CDH23: variants seen among roughly 807,000 people sequenced by gnomAD.
CDH23 encodes the protein cadherin related 23.
In CDH23, 189 loss-of-function variants were observed where a neutral mutation model predicts 317.1. The ratio of observed to expected loss-of-function variants is 0.60; its 90% CI spans 0.53 to 0.67. The LOEUF (loss-of-function observed/expected upper bound fraction) is 0.67, where lower values mean the gene tolerates loss of function less well. Among genes scored for constraint, CDH23 ranks in the 30% least tolerant of loss-of-function variants. The pLI, the probability that CDH23 is intolerant of heterozygous loss-of-function variation, is 0.00. For missense variants in CDH23, 4,401 were observed against 4,592.4 expected (o/e 0.96, Z 1.20); for synonymous variants, 1,839 against 1,876.8 (o/e 0.98, Z 0.52).
rs752830496 is a variant in CDH23, at chr10:71,755,432, G to A, written c.4845+13511G>A. The A allele has an allele frequency of 1.1e-5, 18 of 1,613,128 alleles. No individual in the cohort carries two copies. In the East Asian group the frequency reaches 2.5e-4, roughly 22 times the overall value. On this transcript the variant is annotated intron_variant, in intron 38 of 69. Transcript: ENST00000224721. ...GGGGGAGGCAGAGGATTCCTACGATGCAGGCACCCGTAGCCAGGGCTGCAG... is the reference window on the plus strand; with the variant it reads ...GGGGGAGGCAGAGGATTCCTACGATACAGGCACCCGTAGCCAGGGCTGCAG...
intron 9 of CDH23, among the ~76,000 whole-genome samples, chr10:71,612,243 TG>T (rs1860944760): frequency 2.6e-5 from 4 of 151,526 alleles, no homozygotes; most frequent in African/African-American, 9.7e-5. Context: ...TGTGTGTGTG[TG>T]TGTGTGTATG....
rs746339245 is a variant in CDH23 at position 71,705,003 on chromosome 10, C to T, written c.2826C>T (p.Ser942=). Reference sequence around the variant, plus strand: ...CCCGCATGGACTTCCTCATCAACAGCAGCAGCGGCGTGGTGGTCACCACCA... The same window carrying T: ...CCCGCATGGACTTCCTCATCAACAGTAGCAGCGGCGTGGTGGTCACCACCA... ...GMPRMDFLIN[S]SSGVVVTTTE... is the part of the protein sequence containing the mutation. Residue 942 remains serine, a synonymous_variant, in exon 25 of 70, where the codon AGC becomes AGT. Coordinates refer to ENST00000224721, the MANE Select transcript of CDH23 (RefSeq NM_022124.6). 6.2e-7 allele frequency: 1 copy of T among 1,612,878 alleles called. No individual in the cohort carries two copies. The highest frequency in any genetic ancestry group is 1.1e-5 in the South Asian group (1 of 91,084).
intron 1 of CDH23, among the ~76,000 whole-genome samples, chr10:71,432,919 C>T (rs1463111538): frequency 6.6e-6 from 1 of 152,128 alleles, no homozygotes; most frequent in Non-Finnish European, 1.5e-5. Context: ...CTCCCAGAGT[C>T]TCCCCTGGTG....
At chr10:71,500,369 C>T (rs1325590215) in intron 3 of CDH23, among the ~76,000 whole-genome samples, 1 of 152,240 alleles carries the variant, frequency 6.6e-6, no homozygotes, top group African/African-American at 2.4e-5. Context: ...CTGTTTAGTG[C>T]CTCCTTCTTC....
chr10:71,739,067 T>C (rs12218623), intron 35 of CDH23, among the ~76,000 whole-genome samples: 3,283 of 152,230 alleles, frequency 0.022, 214 homozygotes, highest in East Asian at 0.19. Flanking sequence ...CCGCCAGTGT[T>C]CACACAGCTT....
intron 22 of CDH23, among the ~76,000 whole-genome samples, chr10:71,701,763 A>C (rs1294718374): frequency 6.6e-6 from 1 of 152,002 alleles, no homozygotes; most frequent in Non-Finnish European, 1.5e-5. Context: ...AGTCTCCAAA[A>C]TCCAGGGTTT....
At chr10:71,452,724 T>C (rs1271704269) in intron 3 of CDH23, among the ~76,000 whole-genome samples, 1 of 152,236 alleles carries the variant, frequency 6.6e-6, no homozygotes, top group African/African-American at 2.4e-5. Flanking sequence ...ATTGACATTA[T>C]AATTAACAGC....
chr10:71,535,849 G>T (rs1382417936), intron 6 of CDH23, among the ~76,000 whole-genome samples: 6 of 152,270 alleles, frequency 3.9e-5, no homozygotes, highest in Admixed American at 3.9e-4. Context: ...GCCCAGATGT[G>T]CTGCATAGGC....
intron 2 of CDH23, among the ~76,000 whole-genome samples, chr10:71,444,914 G>A (rs1246180818): frequency 6.6e-6 from 1 of 152,238 alleles, no homozygotes; most frequent in African/African-American, 2.4e-5. Flanking sequence ...TAGACCAGCT[G>A]CCTCCTGGTT....
chr10:71,576,966 A>G (rs2132397204), intron 8 of CDH23, among the ~76,000 whole-genome samples: 1 of 152,272 alleles, frequency 6.6e-6, no homozygotes, highest in East Asian at 1.9e-4. Context: ...CACTTGCCTG[A>G]GCTCTGCCTT....
At position 71,739,722 on chromosome 10, in the gene CDH23, T is replaced by C. The variant is rs751825861; in HGVS notation, c.4438T>C (p.Phe1480Leu). ...VTTNDSIGEVFVARPLDREEL... is the reference protein window; with the variant it reads ...VTTNDSIGEVLVARPLDREEL... ...CACCAATGACTCCATTGGCGAAGTGTTTGTGGCCAGGCCCCTGGACAGAGA... is the reference window on the plus strand; with the variant it reads ...CACCAATGACTCCATTGGCGAAGTGCTTGTGGCCAGGCCCCTGGACAGAGA... The change falls in exon 36 of 70, where the codon TTT becomes CTT. Residue 1480 changes from phenylalanine (F) to leucine (L), a missense_variant. This residue lies in a region of CDH23 where 3,068 missense variants were observed against 3,203.3 expected (regional missense o/e 0.96). Transcript: ENST00000224721. 1.9e-5 allele frequency: 30 copies of C among 1,613,354 alleles called. No individual in the cohort carries two copies. Among genetic ancestry groups the C allele is most frequent in the Non-Finnish European group, 5.9e-6 (7 of 1,179,726 alleles).
chr10:71,586,324 T>C (rs560263783), intron 9 of CDH23, among the ~76,000 whole-genome samples: 63 of 152,352 alleles, frequency 4.1e-4, no homozygotes, highest in African/African-American at 1.4e-3. Context: ...CTGCTTTTTA[T>C]TGACTTTCAA....
At chr10:71,647,792 G>T (rs1412349448) in intron 14 of CDH23, 1 of 152,234 alleles carries the variant, frequency 6.6e-6, no homozygotes, top group African/African-American at 2.4e-5. Context: ...TGGGGAAGGG[G>T]CTTCTATTCT....
At chr10:71,711,053 C>A (rs1011783279) in intron 27 of CDH23, among the ~76,000 whole-genome samples, 2 of 152,178 alleles carry the variant, frequency 1.3e-5, no homozygotes, top group African/African-American at 4.8e-5. Context: ...CTGGGCCTCA[C>A]TCTTTCCAAC....
intron 9 of CDH23, among the ~76,000 whole-genome samples, chr10:71,592,310 A>T (rs1859547874): frequency 6.6e-6 from 1 of 152,196 alleles, no homozygotes; most frequent in Non-Finnish European, 1.5e-5. Flanking sequence ...TTCCTACAGC[A>T]TCTGTATTCA....
At chr10:71,502,100 T>A (rs1358799896) in intron 3 of CDH23, among the ~76,000 whole-genome samples, 1 of 152,206 alleles carries the variant, frequency 6.6e-6, no homozygotes, top group Non-Finnish European at 1.5e-5. Flanking sequence ...CTTTGTCTGT[T>A]TGGTTCTCAC....
chr10:71,658,155 C>T (rs1194194337), intron 14 of CDH23, among the ~76,000 whole-genome samples: 1 of 152,198 alleles, frequency 6.6e-6, no homozygotes, highest in East Asian at 1.9e-4. Flanking sequence ...TCTGTCAGGC[C>T]TCAGCGCCCC....
chr10:71,648,520 C>T lies in CDH23; in HGVS notation c.1449+1903C>T, dbSNP rs182971291. On this transcript the variant is annotated intron_variant, in intron 14 of 69. Transcript: ENST00000224721. Reference sequence around the variant, plus strand: ...TGCTTGGGACAGAGTTTCCTCACTTCGTAGTCCCAAGTTCCCATGGTCCTT... The same window carrying T: ...TGCTTGGGACAGAGTTTCCTCACTTTGTAGTCCCAAGTTCCCATGGTCCTT... Among the ~76,000 whole-genome samples the T allele has an allele frequency of 9.9e-5, 15 of 152,272 alleles. No homozygotes were observed. The East Asian group carries it at 1.5e-3, about 16-fold the overall frequency.
At chr10:71,399,078 C>T (rs866613069) in intron 1 of CDH23, among the ~76,000 whole-genome samples, 16 of 152,232 alleles carry the variant, frequency 1.1e-4, no homozygotes, top group South Asian at 2.1e-4. Flanking sequence ...CAACAAGCTA[C>T]CTTACCTGCA....
Sources: allele counts gnomAD v4.1 joint callset (sites outside exome capture counted in the v4.1 genomes callset), GRCh38; gene constraint gnomAD v4.1.1; regional missense constraint gnomAD v4.1.1; transcripts MANE v1.5; gene names NCBI Gene and HGNC (gene_info 2026-07-23, HGNC 2026-07-21).